EYS: variants seen among roughly 807,000 people sequenced by gnomAD.
EYS encodes EGF-like photoreceptor maintenance factor, also known as protein eyes shut homolog.
A neutral mutation model predicts 282.1 loss-of-function variants in EYS; 250 were observed. That is an observed-to-expected ratio of 0.89 (90% CI 0.80 to 0.98). The LOEUF is 0.98. Ranked by LOEUF, EYS falls within the 50% of genes least tolerant of loss-of-function variation. EYS has a pLI of 0.00. For missense variants in EYS, 4,016 were observed against 3,709.0 expected, an observed-to-expected ratio of 1.08 and a Z score of -2.15; for synonymous variants, 1,355 against 1,282.9, an observed-to-expected ratio of 1.06 and a Z score of -1.20.
intron 1 of EYS, among the ~76,000 whole-genome samples, chr6:65,687,665 T>G (rs537715233): frequency 6.6e-6 from 1 of 152,128 alleles, no homozygotes; most frequent in African/African-American, 2.4e-5. Context: ...GACGACATGA[T>G]TATATATCTA....
chr6:64,704,331 T>C (rs1417532157), intron 22 of EYS, among the ~76,000 whole-genome samples: 1 of 145,960 alleles, frequency 6.9e-6, no homozygotes, highest in Non-Finnish European at 1.5e-5. Context: ...TATAAATATA[T>C]ATACATATAT....
intron 2 of EYS, among the ~76,000 whole-genome samples, chr6:65,575,882 C>T (rs1368343569): frequency 2.6e-5 from 4 of 151,996 alleles, no homozygotes; most frequent in Non-Finnish European, 5.9e-5. Flanking sequence ...AATACCAACA[C>T]TATTTTGTGA....
At chr6:65,141,228 A>T (rs1476725117) in intron 12 of EYS, among the ~76,000 whole-genome samples, 6 of 152,098 alleles carry the variant, frequency 3.9e-5, no homozygotes, top group Non-Finnish European at 7.4e-5. Context: ...CATTCTCAGT[A>T]AACTATCACA....
At chr6:64,702,278 C>T (rs1301775259) in intron 22 of EYS, among the ~76,000 whole-genome samples, 2 of 151,924 alleles carry the variant, frequency 1.3e-5, no homozygotes, top group South Asian at 2.1e-4. Flanking sequence ...AGAACAGAGC[C>T]TACCAGTATC....
At chr6:63,800,139 A>C (rs1482870544) in intron 37 of EYS, among the ~76,000 whole-genome samples, 1 of 152,226 alleles carries the variant, frequency 6.6e-6, no homozygotes, top group East Asian at 1.9e-4. Flanking sequence ...TGAGATTTCT[A>C]CTTTCTGACT....
At chr6:64,838,019 G>A (rs183541317) in intron 19 of EYS, among the ~76,000 whole-genome samples, 257 of 151,318 alleles carry the variant, frequency 1.7e-3, no homozygotes, top group Middle Eastern at 0.01. Flanking sequence ...TTAAAAAAAC[G>A]AATATTTTTG....
chr6:64,654,947 G>C lies in EYS; in HGVS notation c.3444-28702C>G, dbSNP rs113758403. ...CGGACCACAGGATGTCTTGACATTT[G>C]AGCAGCAACTTTTTCCTCTTTAACT... On this transcript the variant is annotated intron_variant, in intron 22 of 42. Coordinates refer to ENST00000503581, the MANE Select transcript of EYS (RefSeq NM_001142800.2). 5.6e-3 allele frequency among the ~76,000 whole-genome samples: 855 copies of C among 152,202 alleles called. 13 individuals carry two copies. Among genetic ancestry groups the C allele is most frequent in the Middle Eastern group, 0.01 (3 of 294 alleles).
At chr6:64,127,784 A>G (rs1000441634) in intron 31 of EYS, among the ~76,000 whole-genome samples, 3 of 152,160 alleles carry the variant, frequency 2.0e-5, no homozygotes, top group African/African-American at 7.2e-5. Context: ...AGATTCATAG[A>G]GTTTTGAAAC....
chr6:63,959,187 T>C (rs1582033597), intron 35 of EYS, among the ~76,000 whole-genome samples: 3 of 151,856 alleles, frequency 2.0e-5, no homozygotes, highest in South Asian at 2.1e-4. Flanking sequence ...AACAACCCCA[T>C]CAAAAAGTGG....
At chr6:65,312,892 G>A (rs56076995) in intron 11 of EYS, among the ~76,000 whole-genome samples, 5,463 of 152,110 alleles carry the variant, frequency 0.036, 155 homozygotes, top group Non-Finnish European at 0.057. Context: ...CTCTTTAGGA[G>A]GGAGCTTTCA....
intron 33 of EYS, among the ~76,000 whole-genome samples, chr6:64,045,836 T>C (rs1269557896): frequency 2.0e-5 from 3 of 149,622 alleles, no homozygotes; most frequent in African/African-American, 7.3e-5. Flanking sequence ...TATGTATATA[T>C]GCATAGATAT....
chr6:65,321,132 G>C (rs6937261), intron 11 of EYS, among the ~76,000 whole-genome samples: 2 of 149,752 alleles, frequency 1.3e-5, no homozygotes, highest in Admixed American at 6.7e-5. Flanking sequence ...AAAACTAGTA[G>C]AGAGTATGAA....
intron 26 of EYS, among the ~76,000 whole-genome samples, chr6:64,532,146 T>A (rs1764362868): frequency 6.6e-6 from 1 of 152,178 alleles, no homozygotes; most frequent in Admixed American, 6.5e-5. Flanking sequence ...AATTTTCCAG[T>A]AACCCACAAA....
At chr6:64,066,287 GAACA>G (rs1016213178) in intron 33 of EYS, 47 bp downstream of exon 33, 3 of 1,495,716 alleles carry the variant, frequency 2.0e-6, no homozygotes, top group Non-Finnish European at 2.7e-6. Flanking sequence ...CAAAACAAAC[GAACA>G]AACAAAATTT....
chr6:65,172,675 G>T (rs1449272717), intron 12 of EYS, among the ~76,000 whole-genome samples: 1 of 151,304 alleles, frequency 6.6e-6, no homozygotes, highest in Non-Finnish European at 1.5e-5. Flanking sequence ...ACATAAAACA[G>T]ATTTGTATTT....
At chr6:65,639,561 T>C (rs1280332443) in intron 2 of EYS, among the ~76,000 whole-genome samples, 1 of 152,140 alleles carries the variant, frequency 6.6e-6, no homozygotes, top group Non-Finnish European at 1.5e-5. Context: ...AAAATTGAGA[T>C]ATTTCAGCAC....
intron 2 of EYS, among the ~76,000 whole-genome samples, chr6:65,626,414 A>G (rs1430146812): frequency 6.6e-6 from 1 of 152,152 alleles, no homozygotes; most frequent in Non-Finnish European, 1.5e-5. Context: ...TAGTAATCTC[A>G]TATCACTGGG....
intron 2 of EYS, among the ~76,000 whole-genome samples, chr6:65,537,914 G>C (rs1270322922): frequency 6.6e-6 from 1 of 152,160 alleles, no homozygotes; most frequent in African/African-American, 2.4e-5. Context: ...TTTCAAATTA[G>C]TATTGAGAAT....
At chr6:64,162,971 T>C (rs955352547) in intron 31 of EYS, among the ~76,000 whole-genome samples, 3 of 152,124 alleles carry the variant, frequency 2.0e-5, no homozygotes, top group African/African-American at 7.2e-5. Context: ...CCAGGCACTG[T>C]GCTTGCTCAT....
Sources: allele counts gnomAD v4.1 joint callset (sites outside exome capture counted in the v4.1 genomes callset), GRCh38; gene constraint gnomAD v4.1.1; transcripts MANE v1.5; gene names NCBI Gene and HGNC (gene_info 2026-07-23, HGNC 2026-07-21).